The following LRMDA variants were observed in gnomAD, a reference collection of about 807,000 sequenced individuals.
LRMDA encodes the protein leucine rich melanocyte differentiation associated.
A neutral mutation model predicts 29.8 loss-of-function variants in LRMDA; 18 were observed. The ratio of observed to expected loss-of-function variants is 0.60; its 90% CI spans 0.42 to 0.90. The LOEUF (loss-of-function observed/expected upper bound fraction) is 0.90, where lower values mean the gene tolerates loss of function less well. Ranked by LOEUF, LRMDA falls within the 40% of genes least tolerant of loss-of-function variation. The probability of loss-of-function intolerance (pLI) is 0.00; values close to 1 mark genes in which losing one functional copy is unlikely to be tolerated. For synonymous variants in LRMDA, 125 were observed against 109.4 expected (o/e 1.14, Z -0.89); for missense variants, 273 against 273.9 (o/e 1.00, Z 0.02).
chr10:76,236,345 A>G (rs1852151762), intron 5 of LRMDA, among the ~76,000 whole-genome samples: 1 of 152,230 alleles, frequency 6.6e-6, no homozygotes, highest in Non-Finnish European at 1.5e-5. Flanking sequence ...TTCTGGAGTT[A>G]CATCAGGCTT....
At chr10:76,445,412 T>G (rs1842344887) in intron 6 of LRMDA, among the ~76,000 whole-genome samples, 1 of 152,196 alleles carries the variant, frequency 6.6e-6, no homozygotes, top group Non-Finnish European at 1.5e-5. Context: ...TCTTCAGGGC[T>G]CTGACTCCCC....
At chr10:75,977,525 A>AT (rs985733996) in intron 2 of LRMDA, among the ~76,000 whole-genome samples, 1 of 152,076 alleles carries the variant, frequency 6.6e-6, no homozygotes, top group Non-Finnish European at 1.5e-5. Flanking sequence ...TCTTTTTAAT[A>AT]TTTTTTTCCA....
At chr10:76,286,807 T>C (rs1252857541) in intron 5 of LRMDA, among the ~76,000 whole-genome samples, 1 of 152,164 alleles carries the variant, frequency 6.6e-6, no homozygotes, top group Non-Finnish European at 1.5e-5. Context: ...GATTTGCTGA[T>C]TTGTCCAGAG....
chr10:75,949,371 TTTGAGCC>T (rs1319080923), intron 2 of LRMDA, among the ~76,000 whole-genome samples: 2 of 152,228 alleles, frequency 1.3e-5, no homozygotes, highest in Non-Finnish European at 2.9e-5. Context: ...CCTTGTAATG[TTTGAGCC>T]TTGAGGGCTT....
At chr10:75,617,065 G>T (rs1253790549) in intron 2 of LRMDA, among the ~76,000 whole-genome samples, 1 of 152,172 alleles carries the variant, frequency 6.6e-6, no homozygotes, top group Non-Finnish European at 1.5e-5. Flanking sequence ...TTCTATGAAA[G>T]TGTGCATTTG....
chr10:76,379,801 C>T (rs1407325604), intron 6 of LRMDA, among the ~76,000 whole-genome samples: 1 of 151,974 alleles, frequency 6.6e-6, no homozygotes, highest in Non-Finnish European at 1.5e-5. Flanking sequence ...GATGCGTGAC[C>T]TTAGACTGTT....
chr10:75,537,302 C>T, intron 2 of LRMDA, among the ~76,000 whole-genome samples: 1 of 152,158 alleles, frequency 6.6e-6, no homozygotes. Context: ...TGGCTCAGCC[C>T]CTGAGAATAC....
chr10:76,313,864 A>G (rs908349636), intron 5 of LRMDA, among the ~76,000 whole-genome samples: 3 of 152,094 alleles, frequency 2.0e-5, no homozygotes, highest in Non-Finnish European at 4.4e-5. Flanking sequence ...TGTATCTCGT[A>G]TCTGTGGTTG....
intron 2 of LRMDA, among the ~76,000 whole-genome samples, chr10:75,653,995 G>A (rs1564531688): frequency 6.6e-6 from 1 of 152,216 alleles, no homozygotes; most frequent in Non-Finnish European, 1.5e-5. Flanking sequence ...TGGCCTCTAT[G>A]TGGACATTTG....
chr10:76,507,903 T>C (rs1227944964), intron 6 of LRMDA, among the ~76,000 whole-genome samples: 3 of 152,178 alleles, frequency 2.0e-5, no homozygotes, highest in African/African-American at 4.8e-5. Flanking sequence ...TATAGCTTTA[T>C]AGTACATTTT....
intron 2 of LRMDA, among the ~76,000 whole-genome samples, chr10:75,704,283 A>G (rs1842340859): frequency 6.6e-6 from 1 of 152,196 alleles, no homozygotes; most frequent in Admixed American, 6.5e-5. Context: ...TATTGTTGCA[A>G]ATGTACATCA....
chr10:75,893,816 C>G (rs570493062), intron 2 of LRMDA, among the ~76,000 whole-genome samples: 64 of 152,094 alleles, frequency 4.2e-4, no homozygotes, highest in African/African-American at 1.4e-3. Context: ...TGCCTGTAAT[C>G]CCAGCTACTC....
At chr10:75,577,015 A>G (rs979437269) in intron 2 of LRMDA, among the ~76,000 whole-genome samples, 8 of 152,340 alleles carry the variant, frequency 5.3e-5, no homozygotes, top group Non-Finnish European at 1.0e-4. Context: ...CAGCAAGGAA[A>G]CAAAACTGGA....
chr10:75,690,623 C>G (rs1842133120), intron 2 of LRMDA, among the ~76,000 whole-genome samples: 1 of 151,992 alleles, frequency 6.6e-6, no homozygotes, highest in African/African-American at 2.4e-5. Context: ...CACAGGTCTC[C>G]TAACTTTCAG....
chr10:75,599,376 A>G (rs531488881), intron 2 of LRMDA, among the ~76,000 whole-genome samples: 2 of 152,306 alleles, frequency 1.3e-5, no homozygotes, highest in East Asian at 1.9e-4. Flanking sequence ...CGCTGGCAAG[A>G]AAGACTAAGT....
At chr10:75,810,828 A>G (rs1171258713) in intron 2 of LRMDA, among the ~76,000 whole-genome samples, 1 of 152,238 alleles carries the variant, frequency 6.6e-6, no homozygotes, top group African/African-American at 2.4e-5. Flanking sequence ...CAGGAGATAC[A>G]GTTGTTGGAG....
intron 2 of LRMDA, among the ~76,000 whole-genome samples, chr10:75,745,827 G>A (rs548158067): frequency 1.7e-4 from 26 of 152,066 alleles, no homozygotes; most frequent in Admixed American, 4.6e-4. Flanking sequence ...TTGTTTTTTC[G>A]TGATGACCTT....
At chr10:76,176,167 T>C (rs1039326887) in intron 5 of LRMDA, among the ~76,000 whole-genome samples, 1 of 152,222 alleles carries the variant, frequency 6.6e-6, no homozygotes, top group Admixed American at 6.5e-5. Flanking sequence ...ATTGTTTGTC[T>C]TCCACAGGTG....
At chr10:75,746,586 C>A (rs750347310) in intron 2 of LRMDA, among the ~76,000 whole-genome samples, 1 of 152,104 alleles carries the variant, frequency 6.6e-6, no homozygotes, top group Non-Finnish European at 1.5e-5. Flanking sequence ...GATTCTAGAG[C>A]TAAGTCATTG....
Sources: gnomAD v4.1 joint callset for allele counts (sites outside exome capture counted in the v4.1 genomes callset) on GRCh38, gnomAD v4.1.1 for gene constraint, MANE v1.5 for transcripts, NCBI Gene and HGNC (gene_info 2026-07-23, HGNC 2026-07-21) for gene names.